The following COL5A2 variants were observed in gnomAD, a reference collection of about 807,000 sequenced individuals.
COL5A2 encodes collagen type V alpha 2 chain, also known as collagen alpha-2(V) chain.
Under a neutral mutation model 208.2 loss-of-function variants are expected in COL5A2, and 23 were observed. The observed-to-expected ratio is 0.11, with a 90% CI of 0.08 to 0.16. The LOEUF is 0.16. Ranked by LOEUF, COL5A2 falls within the 10% of genes least tolerant of loss-of-function variation. COL5A2 has a pLI of 1.00. For missense variants in COL5A2, 1,590 were observed against 1,956.4 expected, an observed-to-expected ratio of 0.81 and a Z score of 3.53; for synonymous variants, 625 against 628.5, an observed-to-expected ratio of 0.99 and a Z score of 0.08.
chr2:189,323,746 C>T, the COL5A2 span, among the ~76,000 whole-genome samples: 1 of 152,250 alleles, frequency 6.6e-6, no homozygotes, highest in East Asian at 1.9e-4. Flanking sequence ...GCCATACTGC[C>T]CAAGGTAATT....
At chr2:189,202,352 A>G (rs1689089660) in intron 1 of COL5A2, among the ~76,000 whole-genome samples, 1 of 152,136 alleles carries the variant, frequency 6.6e-6, no homozygotes, top group Non-Finnish European at 1.5e-5. Flanking sequence ...TGCAGTTAAA[A>G]GCAACAGATT....
the COL5A2 span, among the ~76,000 whole-genome samples, chr2:189,431,356 C>A: frequency 1.3e-5 from 2 of 152,042 alleles, no homozygotes; most frequent in East Asian, 3.9e-4. Context: ...GATGAGTCGA[C>A]AAAAGTAGGC....
the COL5A2 span, among the ~76,000 whole-genome samples, chr2:189,383,380 A>G: frequency 6.6e-6 from 1 of 152,124 alleles, no homozygotes. Context: ...GCCACACCAG[A>G]TTAGGATTTC....
intron 1 of COL5A2, among the ~76,000 whole-genome samples, chr2:189,188,531 T>C (rs1286402894): frequency 6.6e-6 from 1 of 152,214 alleles, no homozygotes; most frequent in African/African-American, 2.4e-5. Flanking sequence ...TGATTGTTTG[T>C]ATTGGAATAG....
At chr2:189,187,571 G>A (rs1441407748) in intron 1 of COL5A2, among the ~76,000 whole-genome samples, 1 of 152,104 alleles carries the variant, frequency 6.6e-6, no homozygotes, top group Non-Finnish European at 1.5e-5. Flanking sequence ...TAAAACTCTT[G>A]GAACGATTTC....
chr2:189,098,039 C>CCCCCA (rs1463596055), intron 5 of COL5A2, among the ~76,000 whole-genome samples: 2 of 152,060 alleles, frequency 1.3e-5, no homozygotes, highest in Non-Finnish European at 1.5e-5. Flanking sequence ...TGTTTTTCCC[C>CCCCCA]CCCTGGGAAA....
At chr2:189,233,593 A>G in the COL5A2 span, among the ~76,000 whole-genome samples, 5 of 151,766 alleles carry the variant, frequency 3.3e-5, no homozygotes, top group African/African-American at 1.2e-4. Context: ...TTTCAACTCA[A>G]TATTTTCTTT....
intron 2 of COL5A2, among the ~76,000 whole-genome samples, chr2:189,104,922 A>AT (rs993297656): frequency 4.6e-5 from 7 of 151,512 alleles, no homozygotes; most frequent in Middle Eastern, 3.2e-3. Context: ...GTTTTTCTTA[A>AT]TTTTTTTATA....
chr2:189,289,733 C>G, the COL5A2 span, among the ~76,000 whole-genome samples: 1 of 152,100 alleles, frequency 6.6e-6, no homozygotes, highest in Non-Finnish European at 1.5e-5. Context: ...TTCCGAACAC[C>G]TAGGTTTGTA....
intron 45 of COL5A2, among the ~76,000 whole-genome samples, chr2:189,047,044 C>A (rs1029452862): frequency 6.6e-6 from 1 of 151,792 alleles, no homozygotes; most frequent in Non-Finnish European, 1.5e-5. Flanking sequence ...ATCACTTGAA[C>A]CCAGGAGGTA....
In COL5A2 at chr2:189,179,192, G is replaced by A. The variant is rs144947507; in HGVS notation, c.97+316C>T. Among the ~76,000 whole-genome samples, 248 of 152,240 alleles carry A rather than the reference G, an allele frequency of 1.6e-3. 1 individual carries two copies. The highest frequency in any genetic ancestry group is 5.6e-3 in the African/African-American group (233 of 41,552). Reference sequence around the variant, plus strand: ...AGAACAGAGCTCCTCTAACTAAAATGCCTTTAGTGCTCCGTTTTAAGCATT... The same window carrying A: ...AGAACAGAGCTCCTCTAACTAAAATACCTTTAGTGCTCCGTTTTAAGCATT... On this transcript the variant is annotated intron_variant, in intron 1 of 53. Transcript: ENST00000374866.
At chr2:189,303,429 C>G in the COL5A2 span, among the ~76,000 whole-genome samples, 1 of 152,244 alleles carries the variant, frequency 6.6e-6, no homozygotes, top group Middle Eastern at 3.4e-3. Context: ...TATAGGCCCC[C>G]CAAAACTGTT....
At chr2:189,362,913 G>A in the COL5A2 span, among the ~76,000 whole-genome samples, 3 of 151,932 alleles carry the variant, frequency 2.0e-5, no homozygotes, top group East Asian at 3.9e-4. Context: ...AGATATGTAA[G>A]TTTTTTTAAT....
the COL5A2 span, among the ~76,000 whole-genome samples, chr2:189,403,701 T>G: frequency 6.6e-6 from 1 of 152,224 alleles, no homozygotes; most frequent in Non-Finnish European, 1.5e-5. Context: ...TTAGTTCTAT[T>G]TACGTGATAA....
the COL5A2 span, among the ~76,000 whole-genome samples, chr2:189,413,736 A>T: frequency 6.6e-6 from 1 of 151,342 alleles, no homozygotes; most frequent in Non-Finnish European, 1.5e-5. Flanking sequence ...ATTCACTTAA[A>T]ATGATTGATG....
the COL5A2 span, among the ~76,000 whole-genome samples, chr2:189,415,741 G>A: frequency 6.6e-5 from 10 of 152,242 alleles, no homozygotes; most frequent in East Asian, 1.9e-3. Context: ...CTCACTGCAA[G>A]CTCCGCCTCC....
intron 7 of COL5A2, among the ~76,000 whole-genome samples, chr2:189,090,509 T>C (rs1686761523): frequency 6.6e-6 from 1 of 152,242 alleles, no homozygotes; most frequent in South Asian, 2.1e-4. Context: ...ACTTTCAATG[T>C]ACACAAAACA....
chr2:189,376,521 T>C, the COL5A2 span, among the ~76,000 whole-genome samples: 1 of 151,378 alleles, frequency 6.6e-6, no homozygotes, highest in African/African-American at 2.4e-5. Context: ...CTAATTATTG[T>C]AGCATTCTTT....
intron 1 of COL5A2, among the ~76,000 whole-genome samples, chr2:189,186,518 C>T (rs570516218): frequency 3.9e-5 from 6 of 152,056 alleles, no homozygotes; most frequent in South Asian, 4.2e-4. Flanking sequence ...TCGTATTCTA[C>T]GGATGAGGAA....
Sources: allele counts gnomAD v4.1 joint callset (sites outside exome capture counted in the v4.1 genomes callset), GRCh38; gene constraint gnomAD v4.1.1; transcripts MANE v1.5; gene names NCBI Gene and HGNC (gene_info 2026-07-23, HGNC 2026-07-21).